The following RNF103 variants were observed in gnomAD, a reference collection of about 807,000 sequenced individuals.
RNF103 encodes the protein ring finger protein 103, also known as E3 ubiquitin-protein ligase RNF103.
RNF103 carries 23 observed loss-of-function variants against 66.2 expected under a neutral mutation model. The observed-to-expected ratio is 0.35, with a 90% confidence interval of 0.25 to 0.49. The LOEUF (loss-of-function observed/expected upper bound fraction) is 0.49. RNF103 is among the 20% of genes least tolerant of loss of function. The pLI is 0.98. For missense variants in RNF103, 730 were observed against 814.7 expected (o/e 0.90, Z 1.27); for synonymous variants, 297 against 289.9 (o/e 1.02, Z -0.25).
At chr2:86,618,141 GA>G (rs1302001054) in intron 2 of RNF103, 16 of 276,708 alleles carry the variant, frequency 5.8e-5, no homozygotes, top group South Asian at 3.6e-4. Context: ...TATTTTCAGA[GA>G]AAAAAAATTT....
At chr2:86,612,349 A>G in intron 2 of RNF103, 75 bp from the exon 3 acceptor site, 5 of 737,790 alleles carry the variant, frequency 6.8e-6, no homozygotes, top group South Asian at 1.6e-5. Context: ...CATCAACAAT[A>G]TAATTTCACT....
In RNF103 at chr2:86,603,558, A is replaced by G; in HGVS notation, c.*285T>C. ...CCATTAGAATTTGATCCTATCTTGT[A>G]AAGTCTTGCTAGGATAAATTTCTAT... On this transcript the variant is annotated 3_prime_UTR_variant, in exon 4 of 4. Coordinates refer to ENST00000237455, the MANE Select transcript of RNF103 (RefSeq NM_005667.4). The G allele has an allele frequency of 2.6e-6, 1 of 378,370 alleles. No homozygotes were observed. The highest frequency in any genetic ancestry group is 7.2e-4 in the Middle Eastern group (1 of 1,392). The allele number at this position is 378,370 out of a possible 1,614,324, so 23.4% of individuals were successfully genotyped here. A position where few individuals can be genotyped will look rare whatever the true frequency, so the allele number is the denominator to read the frequency against.
chr2:86,620,106 T>G (rs567616297), intron 2 of RNF103, among the ~76,000 whole-genome samples: 14 of 152,196 alleles, frequency 9.2e-5, no homozygotes, highest in Non-Finnish European at 1.9e-4. Context: ...AAACAAAAAG[T>G]TGACCCCCAT....
chr2:86,613,785 C>T (rs1678898820), intron 2 of RNF103: 1 of 152,224 alleles, frequency 6.6e-6, no homozygotes, highest in African/African-American at 2.4e-5. Flanking sequence ...TTGAAGTTCA[C>T]TTTATGTGCC....
At chr2:86,608,511 G>T (rs573489799) in intron 3 of RNF103, among the ~76,000 whole-genome samples, 3 of 139,606 alleles carry the variant, frequency 2.1e-5, no homozygotes, top group East Asian at 2.1e-4. Flanking sequence ...AAAAAAAAAA[G>T]GAAGAAAGGA....
chr2:86,623,631 TCG>T lies in RNF103; in HGVS notation c.-747_-746del, dbSNP rs1486300598. The T allele has an allele frequency of 2.7e-6, 3 of 1,093,348 alleles. No homozygotes were observed. Among genetic ancestry groups the T allele is most frequent in the Non-Finnish European group, 3.4e-6 (3 of 891,846 alleles). The allele number at this position is 1,093,348 out of a possible 1,614,324, so 67.7% of individuals were successfully genotyped here. A position where few individuals can be genotyped will look rare whatever the true frequency, so the allele number is the denominator to read the frequency against. On this transcript the variant is annotated 5_prime_UTR_variant, in exon 1 of 4. Transcript: ENST00000237455. The stretch of plus-strand genomic sequence containing the variant: ...CTGCGGCCCGGCCCAGGATGGGGCG[TCG>T]CGGTCTCTGCAGATGGAATCGGTCT...
chr2:86,616,376 C>T (rs1679020065), intron 2 of RNF103: 3 of 607,612 alleles, frequency 4.9e-6, no homozygotes, highest in Non-Finnish European at 6.2e-6. Context: ...CTAGTATATA[C>T]ATGCAAACTA....
Position 86,605,090 on chromosome 2 carries a change from A to G in RNF103, c.811T>C (p.Trp271Arg). ...TCTGTCATATAACTCTTGTTGTCCCAATTTTCTACATTAACAAAAATAAAC... is the reference window on the plus strand; with the variant it reads ...TCTGTCATATAACTCTTGTTGTCCCGATTTTCTACATTAACAAAAATAAAC... The part of the protein sequence containing the change: ...VEFIFVNVEN[W>R]DNKSYMTDIG... The change falls in exon 4 of 4, where the codon TGG becomes CGG. Residue 271 changes from tryptophan to arginine, a missense_variant. Trp to Arg is a moderately radical substitution (Grantham distance 101, BLOSUM62 -3). Transcript: ENST00000237455. 1.2e-6 allele frequency: 2 copies of G among 1,613,918 alleles called. No homozygotes were observed. The highest frequency in any genetic ancestry group is 1.7e-6 in the Non-Finnish European group (2 of 1,179,974).
chr2:86,623,835 G>T lies in RNF103; in HGVS notation c.-949C>A. The T allele has an allele frequency of 1.6e-6, 2 of 1,288,092 alleles. No homozygotes were observed. 79.8% of individuals were successfully genotyped at this position (1,288,092 alleles called of 1,614,324 possible). A position where few individuals can be genotyped will look rare whatever the true frequency, so the allele number is the denominator to read the frequency against. On this transcript the variant is annotated 5_prime_UTR_variant, in exon 1 of 4. In the 5' UTR this introduces an upstream ATG that the reference lacks. Coordinates refer to ENST00000237455, the MANE Select transcript of RNF103 (RefSeq NM_005667.4). ...CCGTACCCTCCACAACCGTGTATCAGCGGCGGCCGCGGCCGGAGCCGAGAC... is the reference window on the plus strand; with the variant it reads ...CCGTACCCTCCACAACCGTGTATCATCGGCGGCCGCGGCCGGAGCCGAGAC...
In RNF103 at chr2:86,623,454, CG is replaced by C; in HGVS notation, c.-569del. Reference sequence around the variant, plus strand: ...GGCCCGGGGCCCAGCGTGTTCTGCGCGGGGAGGAGCGGCCGCCGCAACGCCG... The same window carrying C: ...GGCCCGGGGCCCAGCGTGTTCTGCGCGGGAGGAGCGGCCGCCGCAACGCCG... On this transcript the variant is annotated 5_prime_UTR_variant, in exon 1 of 4. Transcript: ENST00000237455. 1.0e-6 allele frequency: 1 copy of C among 981,794 alleles called. No homozygotes were observed. Among genetic ancestry groups the C allele is most frequent in the Non-Finnish European group, 1.2e-6 (1 of 828,582 alleles). 60.8% of individuals were successfully genotyped at this position (981,794 alleles called of 1,614,324 possible).
chr2:86,620,269 T>C (rs1679177403), intron 2 of RNF103, 61 bp downstream of exon 2: 2 of 1,516,768 alleles, frequency 1.3e-6, no homozygotes, highest in African/African-American at 2.7e-5. Flanking sequence ...GTACATACTA[T>C]TTTGGTAAAA....
rs1257495260 is a variant in RNF103 at position 86,623,621 on chromosome 2, G to A, written c.-735C>T. ...CGGGCGGGCACTGCGGCCCGGCCCA[G>A]GATGGGGCGTCGCGGTCTCTGCAGA... On this transcript the variant is annotated 5_prime_UTR_variant, in exon 1 of 4. Transcript: ENST00000237455. The A allele has an allele frequency of 9.1e-7, 1 of 1,093,192 alleles. No individual in the cohort carries two copies. The highest frequency in any genetic ancestry group is 1.7e-5 in the African/African-American group (1 of 57,746). 67.7% of individuals were successfully genotyped at this position (1,093,192 alleles called of 1,614,324 possible). A position where few individuals can be genotyped will look rare whatever the true frequency, so the allele number is the denominator to read the frequency against.
chr2:86,617,221 G>A (rs538481153), intron 2 of RNF103: 2 of 985,140 alleles, frequency 2.0e-6, no homozygotes, highest in East Asian at 1.1e-4. Flanking sequence ...AATATGAAGA[G>A]GATTGAACTG....
intron 2 of RNF103, chr2:86,612,531 C>T (rs1480641251): frequency 1.0e-5 from 3 of 298,306 alleles, no homozygotes; most frequent in Non-Finnish European, 1.8e-5. Flanking sequence ...GGAGTCAAAA[C>T]TGTATTAAAA....
chr2:86,607,532 C>A (rs1379208952), intron 3 of RNF103, among the ~76,000 whole-genome samples: 1 of 152,170 alleles, frequency 6.6e-6, no homozygotes, highest in Non-Finnish European at 1.5e-5. Flanking sequence ...CTTAATAAGA[C>A]AGATTCCATT....
intron 3 of RNF103, among the ~76,000 whole-genome samples, chr2:86,610,230 A>G (rs1169975022): frequency 6.6e-6 from 1 of 152,246 alleles, no homozygotes; most frequent in Non-Finnish European, 1.5e-5. Context: ...CAAAAAAGCA[A>G]AAAGTTATCC....
chr2:86,604,258 C>A lies in RNF103; in HGVS notation c.1643G>T (p.Ser548Ile). Reference sequence around the variant, plus strand: ...ATCTTCAAATACTTCCTTCTCACTACTCAAAGTGTCTGTGTTCTCACTTTC... The same window carrying A: ...ATCTTCAAATACTTCCTTCTCACTAATCAAAGTGTCTGTGTTCTCACTTTC... ...DSESENTDTL[S>I]SEKEVFEDKQ... Residue 548 changes from serine to isoleucine, a missense_variant, in exon 4 of 4, where the codon AGT becomes ATT. By Grantham distance (142) the Ser-to-Ile change is moderately radical. Coordinates refer to ENST00000237455, the MANE Select transcript of RNF103 (RefSeq NM_005667.4). 6.2e-7 allele frequency: 1 copy of A among 1,614,210 alleles called. No homozygotes were observed.
At chr2:86,616,960 T>C in intron 2 of RNF103, 1 of 985,462 alleles carries the variant, frequency 1.0e-6, no homozygotes, top group Non-Finnish European at 1.2e-6. Context: ...TTTGTAATGC[T>C]ATGAAGACTG....
chr2:86,613,803 C>G (rs1388210691), intron 2 of RNF103: 6 of 152,180 alleles, frequency 3.9e-5, no homozygotes. Flanking sequence ...GCCAAATAAC[C>G]TCTGTGACAC....
Sources: gnomAD v4.1 joint callset for allele counts (sites outside exome capture counted in the v4.1 genomes callset) on GRCh38, gnomAD v4.1.1 for gene constraint, MANE v1.5 for transcripts, NCBI Gene and HGNC (gene_info 2026-07-23, HGNC 2026-07-21) for gene names.